The following EHMT1 variants were observed in gnomAD, a reference collection of about 807,000 sequenced individuals.
EHMT1 encodes euchromatic histone lysine methyltransferase 1.
EHMT1 carries 15 observed loss-of-function variants against 147.2 expected under a neutral mutation model. The ratio of observed to expected loss-of-function variants is 0.10; its 90% CI spans 0.07 to 0.16. The LOEUF is 0.16. EHMT1 is among the 10% of genes least tolerant of loss of function. The pLI, the probability that EHMT1 is intolerant of heterozygous loss-of-function variation, is 1.00. For synonymous variants in EHMT1, 795 were observed against 709.6 expected, an observed-to-expected ratio of 1.12 and a Z score of -1.91; for missense variants, 1,587 against 1,772.4, an observed-to-expected ratio of 0.90 and a Z score of 1.88.
chr9:137,662,135 A>T (rs1190431028), intron 1 of EHMT1, among the ~76,000 whole-genome samples: 1 of 152,194 alleles, frequency 6.6e-6, no homozygotes, highest in Non-Finnish European at 1.5e-5. Flanking sequence ...TTACCCAACA[A>T]TATCTGCTGA....
intron 1 of EHMT1, among the ~76,000 whole-genome samples, chr9:137,698,433 CTT>C (rs1456012743): frequency 6.6e-6 from 1 of 152,196 alleles, no homozygotes. Context: ...GGTGTCATCT[CTT>C]TAGTGGGTGA....
chr9:137,690,686 T>C (rs752642874), intron 1 of EHMT1, among the ~76,000 whole-genome samples: 1 of 152,030 alleles, frequency 6.6e-6, no homozygotes, highest in Non-Finnish European at 1.5e-5. Flanking sequence ...TCTCCTGCCT[T>C]AGCCTCCCAA....
At position 137,716,719 on chromosome 9, in the gene EHMT1, A is replaced by G. The variant is rs749236804; in HGVS notation, c.179A>G (p.Asn60Ser). The G allele has an allele frequency of 1.9e-6, 3 of 1,611,852 alleles. No homozygotes were observed. Among genetic ancestry groups the G allele is most frequent in the Non-Finnish European group, 2.5e-6 (3 of 1,178,888 alleles). Residue 60 changes from asparagine to serine, a missense_variant, in exon 3 of 27, where the codon AAC becomes AGC. Coordinates refer to ENST00000460843, the MANE Select transcript of EHMT1 (RefSeq NM_024757.5). ...GGTGAGACCAATGGGTCTTGTGAAA[A>G]CAGCGATGCCAGCAGTCATGCAAAT... Reference protein sequence around the residue: ...ADGETNGSCENSDASSHANAA... With the variant: ...ADGETNGSCESSDASSHANAA...
intron 1 of EHMT1, among the ~76,000 whole-genome samples, chr9:137,686,388 T>A (rs189917075): frequency 6.6e-6 from 1 of 152,250 alleles, no homozygotes; most frequent in East Asian, 1.9e-4. Flanking sequence ...TTAAAAATTT[T>A]TTTAATTTTT....
chr9:137,740,709 A>G (rs915966256), intron 4 of EHMT1, among the ~76,000 whole-genome samples: 4 of 152,228 alleles, frequency 2.6e-5, no homozygotes, highest in African/African-American at 9.7e-5. Context: ...CATCTGTTTC[A>G]CACATACAAC....
intron 1 of EHMT1, among the ~76,000 whole-genome samples, chr9:137,680,152 CT>C (rs1209908141): frequency 2.6e-5 from 4 of 151,900 alleles, no homozygotes; most frequent in Non-Finnish European, 4.4e-5. Context: ...AGTCTTGTGG[CT>C]TTTTTTTAGT....
At chr9:137,719,089 A>G (rs944834406) in intron 3 of EHMT1, among the ~76,000 whole-genome samples, 5 of 152,140 alleles carry the variant, frequency 3.3e-5, no homozygotes, top group African/African-American at 4.8e-5. Context: ...ACTGAATTCT[A>G]TCTTGCGTTA....
chr9:137,686,789 G>T (rs1942482975), intron 1 of EHMT1, among the ~76,000 whole-genome samples: 1 of 147,858 alleles, frequency 6.8e-6, no homozygotes. Flanking sequence ...AGAGTGCAGT[G>T]GCGTGATCTC....
At chr9:137,779,524 C>G (rs546944622) in intron 13 of EHMT1, 111 bp from the exon 14 acceptor site, 16 of 1,125,658 alleles carry the variant, frequency 1.4e-5, no homozygotes, top group Non-Finnish European at 2.1e-5. Flanking sequence ...GGACGCGGAG[C>G]CCCATGAGCT....
intron 10 of EHMT1, among the ~76,000 whole-genome samples, chr9:137,769,264 AT>A (rs35382535): frequency 0.29 from 43,298 of 151,526 alleles, 6,671 homozygotes; most frequent in Admixed American, 0.41. Context: ...TGCTTTAAGT[AT>A]TTTTTTTTAG....
Position 137,779,161 on chromosome 9 carries a change from G to A in EHMT1, c.2193-474G>A, listed in dbSNP as rs182609720. ...CATATCAGTTATCAGCTTAGTCATC[G>A]AGTTAAGGTTTCAGAGCAAAAGTGC... is the stretch of plus-strand genomic sequence containing the variant. On this transcript the variant is annotated intron_variant, in intron 13 of 26. Transcript: ENST00000460843. Among the ~76,000 whole-genome samples the A allele has an allele frequency of 5.9e-5, 9 of 152,340 alleles. No individual in the cohort carries two copies. The East Asian group carries it at 1.4e-3, about 23-fold the overall frequency.
rs557647379 is a variant in EHMT1, at chr9:137,682,349, C to T, written c.22-28618C>T. Reference sequence around the variant, plus strand: ...CAGGTGAACTGTTGTTTTTTCCCCCCAGTACCAACCTTTATGTGTTATGTG... The same window carrying T: ...CAGGTGAACTGTTGTTTTTTCCCCCTAGTACCAACCTTTATGTGTTATGTG... On this transcript the variant is annotated intron_variant, in intron 1 of 26. Transcript: ENST00000460843. 1.8e-3 allele frequency among the ~76,000 whole-genome samples: 269 copies of T among 152,242 alleles called. 1 individual carries two copies. The highest frequency in any genetic ancestry group is 6.1e-3 in the African/African-American group (252 of 41,542).
At position 137,786,435 on chromosome 9, in the gene EHMT1, T is replaced by C. The variant is rs1951971824; in HGVS notation, c.2382+4038T>C. 6.6e-6 allele frequency: 1 copy of C among 152,248 alleles called. No homozygotes were observed. Among genetic ancestry groups the C allele is most frequent in the South Asian group, 2.1e-4 (1 of 4,838 alleles). 9.4% of individuals were successfully genotyped at this position (152,248 alleles called of 1,614,324 possible). A position where few individuals can be genotyped will look rare whatever the true frequency, so the allele number is the denominator to read the frequency against. On this transcript the variant is annotated intron_variant, in intron 15 of 26. Transcript: ENST00000460843. This position sits in a 1 kb window ranked among gnomAD's most constrained non-coding sequence, Gnocchi z 4.3. ...AATCCAAGGGTGCTGTTTCTCAGGG[T>C]TTCAGCATCTGCAGGGGTGTCTCAC...
rs191135800 is a variant in EHMT1, at chr9:137,821,893, G to A, written c.3540+3755G>A. On this transcript the variant is annotated intron_variant, in intron 25 of 26. Coordinates refer to ENST00000460843, the MANE Select transcript of EHMT1 (RefSeq NM_024757.5). Reference sequence around the variant, plus strand: ...GTGTGGTCTTGTATATGTTTTGTTGGATTTTTTTAAATCAAATAGGTTTTT... The same window carrying A: ...GTGTGGTCTTGTATATGTTTTGTTGAATTTTTTTAAATCAAATAGGTTTTT... 4.7e-4 allele frequency among the ~76,000 whole-genome samples: 72 copies of A among 152,160 alleles called. 1 individual carries two copies. The highest frequency in any genetic ancestry group is 3.4e-3 in the Middle Eastern group (1 of 294).
chr9:137,659,208 T>G (rs1355835236), intron 1 of EHMT1, among the ~76,000 whole-genome samples: 3 of 152,134 alleles, frequency 2.0e-5, no homozygotes, highest in Admixed American at 6.6e-5. Context: ...CTTCTTTTCT[T>G]ATTAATGTTG....
intron 25 of EHMT1, among the ~76,000 whole-genome samples, chr9:137,831,356 A>C (rs1313799817): frequency 6.6e-6 from 1 of 152,216 alleles, no homozygotes; most frequent in African/African-American, 2.4e-5. Context: ...GGGGAGAGTC[A>C]TCATATTGTC....
chr9:137,750,092 T>G, intron 6 of EHMT1, among the ~76,000 whole-genome samples: 1 of 152,194 alleles, frequency 6.6e-6, no homozygotes, highest in East Asian at 1.9e-4. Flanking sequence ...ATCTGAAACA[T>G]CTAGCAAAAT....
At chr9:137,710,247 G>A (rs1289157756) in intron 1 of EHMT1, among the ~76,000 whole-genome samples, 1 of 152,056 alleles carries the variant, frequency 6.6e-6, no homozygotes, top group Non-Finnish European at 1.5e-5. Context: ...TGAGGCGGGC[G>A]GATCACTTGA....
chr9:137,716,532 G>A, intron 2 of EHMT1, 94 bp from the exon 3 acceptor site: 2 of 1,075,056 alleles, frequency 1.9e-6, no homozygotes, highest in Non-Finnish European at 2.6e-6. Flanking sequence ...GGAGGAAGTT[G>A]TGGTGGTGTC....
Sources: allele counts gnomAD v4.1 joint callset (sites outside exome capture counted in the v4.1 genomes callset), GRCh38; gene constraint gnomAD v4.1.1; non-coding constraint Gnocchi (gnomAD v3.1); transcripts MANE v1.5; gene names NCBI Gene and HGNC (gene_info 2026-07-23, HGNC 2026-07-21).